Variants in GABRG3 observed in about 807,000 individuals in gnomAD.
GABRG3 encodes gamma-aminobutyric acid receptor subunit gamma-3.
In GABRG3, 25 loss-of-function variants were observed where a neutral mutation model predicts 48.8. The ratio of observed to expected loss-of-function variants is 0.51; its 90% CI spans 0.37 to 0.72. The LOEUF (loss-of-function observed/expected upper bound fraction) is 0.72. Among genes scored for constraint, GABRG3 ranks in the 30% least tolerant of loss-of-function variants. The pLI is 0.00. For missense variants in GABRG3, 394 were observed against 577.9 expected (o/e 0.68, Z 3.26); for synonymous variants, 227 against 217.6 (o/e 1.04, Z -0.38).
At chr15:27,044,673 G>C (rs57926754) in intron 3 of GABRG3, among the ~76,000 whole-genome samples, 3,291 of 152,318 alleles carry the variant, frequency 0.022, 116 homozygotes, top group African/African-American at 0.076. Context: ...GCAGGCCCTA[G>C]AATCAGAATA....
intron 6 of GABRG3, among the ~76,000 whole-genome samples, chr15:27,516,495 A>T (rs1891022332): frequency 6.6e-6 from 1 of 152,206 alleles, no homozygotes; most frequent in Non-Finnish European, 1.5e-5. Flanking sequence ...CCAGCCTGGG[A>T]GCTGCCATGT....
intron 3 of GABRG3, among the ~76,000 whole-genome samples, chr15:27,108,090 C>T (rs1897482696): frequency 6.6e-6 from 1 of 150,772 alleles, no homozygotes; most frequent in East Asian, 1.9e-4. Flanking sequence ...TTATCACCTC[C>T]TTTCATCTGT....
intron 3 of GABRG3, among the ~76,000 whole-genome samples, chr15:27,092,320 G>A (rs1897200840): frequency 6.6e-6 from 1 of 152,202 alleles, no homozygotes; most frequent in African/African-American, 2.4e-5. Context: ...GCTTCTTTGT[G>A]TGTGTGCATT....
chr15:27,036,347 T>C (rs910675632), intron 3 of GABRG3, among the ~76,000 whole-genome samples: 4 of 152,154 alleles, frequency 2.6e-5, no homozygotes, highest in Admixed American at 6.5e-5. Flanking sequence ...TTCTGGGCTC[T>C]GGAAGAAGCC....
chr15:26,995,466 G>A (rs751497672), intron 2 of GABRG3, among the ~76,000 whole-genome samples: 1 of 150,990 alleles, frequency 6.6e-6, no homozygotes, highest in Non-Finnish European at 1.5e-5. Context: ...AATATGGTTA[G>A]ACTTAATCTG....
intron 3 of GABRG3, among the ~76,000 whole-genome samples, chr15:27,315,576 C>T (rs1893185322): frequency 1.3e-5 from 2 of 152,140 alleles, no homozygotes; most frequent in Admixed American, 6.5e-5. Flanking sequence ...GTAATTGGAC[C>T]TTGGCAAATT....
chr15:27,060,253 A>G (rs1379784797), intron 3 of GABRG3, among the ~76,000 whole-genome samples: 3 of 152,208 alleles, frequency 2.0e-5, no homozygotes, highest in Non-Finnish European at 4.4e-5. Flanking sequence ...TGCAGCAAGA[A>G]AGGGTGGGGT....
chr15:27,335,721 G>A (rs1434088042), intron 5 of GABRG3, among the ~76,000 whole-genome samples: 1 of 152,164 alleles, frequency 6.6e-6, no homozygotes, highest in Non-Finnish European at 1.5e-5. Context: ...GGGAGGATGA[G>A]CAGGTTCTGG....
intron 3 of GABRG3, among the ~76,000 whole-genome samples, chr15:27,104,051 A>G (rs984806399): frequency 3.3e-5 from 5 of 152,242 alleles, no homozygotes; most frequent in African/African-American, 1.2e-4. Flanking sequence ...TTTGGAAATT[A>G]CCAAGTTGAG....
intron 3 of GABRG3, among the ~76,000 whole-genome samples, chr15:27,267,958 A>G (rs973867708): frequency 6.6e-6 from 1 of 152,120 alleles, no homozygotes; most frequent in Non-Finnish European, 1.5e-5. Flanking sequence ...TTTTTAAAAA[A>G]ATTGCTTCTA....
intron 3 of GABRG3, among the ~76,000 whole-genome samples, chr15:27,191,889 C>T (rs1888323090): frequency 6.6e-6 from 1 of 151,984 alleles, no homozygotes; most frequent in African/African-American, 2.4e-5. Context: ...ATGTTTAGTG[C>T]TTCCTTCAGG....
intron 3 of GABRG3, among the ~76,000 whole-genome samples, chr15:27,227,085 C>G (rs1441348334): frequency 6.6e-6 from 1 of 152,242 alleles, no homozygotes; most frequent in Non-Finnish European, 1.5e-5. Context: ...GGTGAGGTCT[C>G]TAAGTGTCCT....
chr15:27,132,486 T>G (rs1380869896), intron 3 of GABRG3, among the ~76,000 whole-genome samples: 3 of 146,770 alleles, frequency 2.0e-5, no homozygotes, highest in Non-Finnish European at 3.0e-5. Context: ...TTTTTTTTTT[T>G]TTTTTTTTTT....
At chr15:27,152,144 C>T (rs1421963886) in intron 3 of GABRG3, among the ~76,000 whole-genome samples, 1 of 152,070 alleles carries the variant, frequency 6.6e-6, no homozygotes, top group African/African-American at 2.4e-5. Flanking sequence ...TTCTGTGATA[C>T]ATTTTGAATT....
At chr15:27,047,030 C>T (rs1896377722) in intron 3 of GABRG3, among the ~76,000 whole-genome samples, 1 of 152,180 alleles carries the variant, frequency 6.6e-6, no homozygotes, top group Admixed American at 6.5e-5. Context: ...AAGATAATGT[C>T]TGCAGTGGGA....
At chr15:27,388,161 AG>A in intron 5 of GABRG3, among the ~76,000 whole-genome samples, 1 of 84,566 alleles carries the variant, frequency 1.2e-5, no homozygotes, top group African/African-American at 6.2e-5. Context: ...GAAGGAAGAA[AG>A]GAAGGAAGGA....
rs1891546381 is a variant in GABRG3 at position 27,536,333 on chromosome 15, G to A, written c.*3452G>A. ...GACAAAGTTAGTATAATTTACTCTG[G>A]ACCCAGCCAATACTGCCCCCAATTT... On this transcript the variant is annotated 3_prime_UTR_variant, in exon 10 of 10. Coordinates refer to ENST00000615808, the MANE Select transcript of GABRG3 (RefSeq NM_033223.5). 6.6e-6 allele frequency: 1 copy of A among 152,054 alleles called. No homozygotes were observed. The highest frequency in any genetic ancestry group is 2.1e-4 in the South Asian group (1 of 4,816). 9.4% of individuals were successfully genotyped at this position (152,054 alleles called of 1,614,324 possible). A position where few individuals can be genotyped will look rare whatever the true frequency, so the allele number is the denominator to read the frequency against.
In GABRG3 at chr15:27,349,770, G is replaced by T. The variant is rs530882002; in HGVS notation, c.574+20882G>T. ...TATCAAATAATTACAGAGGAGAACT[G>T]AGAGGCTTCATAGAGCCTGTGAATT... On this transcript the variant is annotated intron_variant, in intron 5 of 9. Coordinates refer to ENST00000615808, the MANE Select transcript of GABRG3 (RefSeq NM_033223.5). 3.3e-5 allele frequency among the ~76,000 whole-genome samples: 5 copies of T among 152,254 alleles called. No individual in the cohort carries two copies. The East Asian group carries it at 9.7e-4, about 29-fold the overall frequency.
rs376673418 is a variant in GABRG3, at chr15:27,520,157, C to A, written c.865+33C>A. The stretch of plus-strand genomic sequence containing the variant: ...TCAAAAAATCTCTTCCACAAATTTG[C>A]GTAATTGTAATATAGAAGCATTCAT... On this transcript the variant is annotated intron_variant, in intron 7 of 9. Coordinates refer to ENST00000615808, the MANE Select transcript of GABRG3 (RefSeq NM_033223.5). 7 of 1,566,944 alleles carry A rather than the reference C, an allele frequency of 4.5e-6. No individual in the cohort carries two copies. In the South Asian group the frequency reaches 7.2e-5, roughly 16 times the overall value.
Sources: gnomAD v4.1 joint callset for allele counts (sites outside exome capture counted in the v4.1 genomes callset) on GRCh38, gnomAD v4.1.1 for gene constraint, MANE v1.5 for transcripts, NCBI Gene and HGNC (gene_info 2026-07-23, HGNC 2026-07-21) for gene names.